HOXB3: variants seen among roughly 807,000 people sequenced by gnomAD.
HOXB3 encodes homeobox B3, also known as homeobox protein Hox-B3.
HOXB3 carries 17 observed loss-of-function variants against 29.2 expected under a neutral mutation model. That is an observed-to-expected ratio of 0.58 (90% CI 0.40 to 0.87). The LOEUF is 0.87. Ranked by LOEUF, HOXB3 falls within the 40% of genes least tolerant of loss-of-function variation. The probability of loss-of-function intolerance (pLI) is 0.00; values close to 1 mark genes in which losing one functional copy is unlikely to be tolerated. For missense variants in HOXB3, 637 were observed against 616.3 expected (o/e 1.03, Z -0.35); for synonymous variants, 317 against 285.9 (o/e 1.11, Z -1.10).
intron 1 of HOXB3, among the ~76,000 whole-genome samples, chr17:48,584,965 C>T (rs1175616073): frequency 6.6e-6 from 1 of 150,426 alleles, no homozygotes. Context: ...CGCTCCCACT[C>T]ACGCATGGTG....
intron 2 of HOXB3, among the ~76,000 whole-genome samples, chr17:48,561,007 C>T (rs1228133881): frequency 2.6e-5 from 4 of 152,142 alleles, no homozygotes; most frequent in Admixed American, 2.0e-4. Context: ...ATGGCGAAAC[C>T]GTGTCTCCAC....
intron 3 of HOXB3, 138 bp downstream of exon 3, chr17:48,555,385 GGAGGGAGA>G (rs2068942211): frequency 3.4e-6 from 2 of 580,894 alleles, no homozygotes; most frequent in Non-Finnish European, 3.1e-6. Flanking sequence ...AGGGAGGGAG[GGAGGGAGA>G]GAGAGAGTCG....
chr17:48,551,337 C>T, intron 4 of HOXB3, 156 bp from the exon 5 acceptor site: 4 of 852,522 alleles, frequency 4.7e-6, no homozygotes, highest in Middle Eastern at 4.6e-4. Context: ...CTCCTCACTC[C>T]CCCACCCCAC....
At chr17:48,573,171 G>A (rs1347857904) in intron 2 of HOXB3, among the ~76,000 whole-genome samples, 1 of 152,162 alleles carries the variant, frequency 6.6e-6, no homozygotes, top group Non-Finnish European at 1.5e-5. Flanking sequence ...GAAGAAGGCT[G>A]GGGGGACAGA....
chr17:48,578,439 T>C (rs2069843840), intron 1 of HOXB3: 1 of 1,346,496 alleles, frequency 7.4e-7, no homozygotes, highest in African/African-American at 1.5e-5. Context: ...GCCCACGTGA[T>C]CCTCCGAGCC....
At chr17:48,560,659 C>T (rs574598045) in intron 2 of HOXB3, among the ~76,000 whole-genome samples, 3 of 152,190 alleles carry the variant, frequency 2.0e-5, no homozygotes, top group Non-Finnish European at 4.4e-5. Context: ...AATTGAGAAG[C>T]CACCACTCCT....
chr17:48,562,866 T>C (rs1388447026), intron 2 of HOXB3, among the ~76,000 whole-genome samples: 1 of 152,206 alleles, frequency 6.6e-6, no homozygotes, highest in East Asian at 1.9e-4. Flanking sequence ...CGGAAATTAC[T>C]ATCTGGGGGT....
rs2068766432 is a variant in HOXB3 at position 48,551,956 on chromosome 17, G to T, written c.448+71C>A. The stretch of plus-strand genomic sequence containing the variant: ...GCAGCCTCGCGGGCGCCTAGGGGCT[G>T]GGTGCTAGAATAACAGTGACATTCC... On this transcript the variant is annotated intron_variant, in intron 4 of 4. Coordinates refer to ENST00000498678, the MANE Select transcript of HOXB3 (RefSeq NM_001384749.1). 27 of 1,439,120 alleles carry T rather than the reference G, an allele frequency of 1.9e-5. 1 individual carries two copies. Among genetic ancestry groups the T allele is most frequent in the Middle Eastern group, 3.7e-4 (2 of 5,426 alleles). 89.1% of individuals were successfully genotyped at this position (1,439,120 alleles called of 1,614,324 possible). A position where few individuals can be genotyped will look rare whatever the true frequency, so the allele number is the denominator to read the frequency against.
At chr17:48,561,209 C>CACACACACAT (rs1226376756) in intron 2 of HOXB3, among the ~76,000 whole-genome samples, 1 of 151,644 alleles carries the variant, frequency 6.6e-6, no homozygotes, top group Non-Finnish European at 1.5e-5. Flanking sequence ...CACACACACA[C>CACACACACAT]ACACACACAC....
intron 1 of HOXB3, among the ~76,000 whole-genome samples, chr17:48,585,753 A>G (rs1207641248): frequency 6.6e-6 from 1 of 152,200 alleles, no homozygotes; most frequent in Non-Finnish European, 1.5e-5. Flanking sequence ...CATGCACCTA[A>G]GGACAAGCCT....
chr17:48,563,389 C>A (rs1422719614), intron 2 of HOXB3, among the ~76,000 whole-genome samples: 1 of 152,216 alleles, frequency 6.6e-6, no homozygotes, highest in Non-Finnish European at 1.5e-5. Flanking sequence ...TCCCAGCTCA[C>A]AAAGTGATTC....
chr17:48,578,208 A>T, intron 1 of HOXB3: 1 of 1,613,698 alleles, frequency 6.2e-7, no homozygotes, highest in East Asian at 2.2e-5. Flanking sequence ...CCGCCGGCGT[A>T]GTACCCGGGC....
rs1464845364 is a variant in HOXB3 at position 48,549,139 on chromosome 17, AAC to A, written c.*1193_*1194del. ...AAATAGCTGGTTTTACATGACAGGA[AAC>A]ACAATGTCCTTTGTAACAGGTAAAT... On this transcript the variant is annotated 3_prime_UTR_variant, in exon 5 of 5. Coordinates refer to ENST00000498678, the MANE Select transcript of HOXB3 (RefSeq NM_001384749.1). 1.3e-5 allele frequency: 2 copies of A among 152,680 alleles called. No individual in the cohort carries two copies. 9.5% of individuals were successfully genotyped at this position (152,680 alleles called of 1,614,324 possible).
At position 48,552,059 on chromosome 17, in the gene HOXB3, G is replaced by A. The variant is rs977880622; in HGVS notation, c.416C>T (p.Thr139Met). 1.9e-6 allele frequency: 3 copies of A among 1,596,200 alleles called. No individual in the cohort carries two copies. The highest frequency in any genetic ancestry group is 2.7e-5 in the African/African-American group (2 of 74,576). ...IFPWMKESRQ[T>M]SKLKNNSPGT... is the part of the protein sequence containing the mutation. Reference sequence around the variant, plus strand: ...GGGGGAGTTGTTTTTCAGCTTGGACGTTTGCCTCGACTCTTTCATCCAGGG... The same window carrying A: ...GGGGGAGTTGTTTTTCAGCTTGGACATTTGCCTCGACTCTTTCATCCAGGG... The change falls in exon 4 of 5, where the codon ACG becomes ATG. Residue 139 changes from threonine (T) to methionine (M), a missense_variant. Transcript: ENST00000498678.
chr17:48,573,743 AAAAG>A, intron 2 of HOXB3, 90 bp downstream of exon 2: 3 of 649,624 alleles, frequency 4.6e-6, no homozygotes, highest in Non-Finnish European at 8.2e-6. Context: ...TTAAAAAAGA[AAAAG>A]GAAGAGGCGA....
intron 2 of HOXB3, among the ~76,000 whole-genome samples, chr17:48,567,584 A>G (rs1378175218): frequency 1.3e-5 from 2 of 152,146 alleles, no homozygotes; most frequent in East Asian, 1.9e-4. Context: ...TGACCTCCAC[A>G]TGAAACTATA....
At chr17:48,551,434 G>A (rs2068738330) in intron 4 of HOXB3, among the ~76,000 whole-genome samples, 1 of 152,016 alleles carries the variant, frequency 6.6e-6, no homozygotes, top group African/African-American at 2.4e-5. Flanking sequence ...ATGAAAATTT[G>A]ATCATGTCAC....
chr17:48,571,358 A>G (rs1280092747), intron 2 of HOXB3, among the ~76,000 whole-genome samples: 2 of 152,174 alleles, frequency 1.3e-5, no homozygotes, highest in Admixed American at 6.5e-5. Flanking sequence ...GGCCGCCTTC[A>G]AGGGCTCTGG....
chr17:48,576,677 T>A, intron 1 of HOXB3: 10 of 359,882 alleles, frequency 2.8e-5, no homozygotes, highest in Admixed American at 1.1e-4. Context: ...CTGCACTCAC[T>A]GCCCACCCCC....
Sources: gnomAD v4.1 joint callset for allele counts (sites outside exome capture counted in the v4.1 genomes callset) on GRCh38, gnomAD v4.1.1 for gene constraint, MANE v1.5 for transcripts, NCBI Gene and HGNC (gene_info 2026-07-23, HGNC 2026-07-21) for gene names.